ANXA4: variants seen among roughly 807,000 people sequenced by gnomAD.
ANXA4 encodes the protein annexin A4, also known as 35-beta calcimedin.
ANXA4 carries 39 observed loss-of-function variants against 49.8 expected under a neutral mutation model. The observed-to-expected ratio is 0.78, with a 90% CI of 0.61 to 1.02. ANXA4 has a LOEUF of 1.02. Ranked by LOEUF, ANXA4 falls within the 50% of genes least tolerant of loss-of-function variation. The pLI, the probability that ANXA4 is intolerant of heterozygous loss-of-function variation, is 0.00. For synonymous variants in ANXA4, 134 were observed against 152.5 expected (o/e 0.88, Z 0.89); for missense variants, 360 against 410.1 (o/e 0.88, Z 1.05).
Position 69,717,052 on chromosome 2 carries a change from G to A in ANXA4, n.767-3722G>A, listed in dbSNP as rs553117727. On this transcript the variant is annotated intron_variant and non_coding_transcript_variant, in intron 2 of 3. Coordinates refer to the ANXA4 transcript ENST00000418066. Reference sequence around the variant, plus strand: ...CAAGAAACAAGGGAAGTGCAGGGGAGACCGTAAAGCAGCATCGTGTAGCAG... The same window carrying A: ...CAAGAAACAAGGGAAGTGCAGGGGAAACCGTAAAGCAGCATCGTGTAGCAG... Among the ~76,000 whole-genome samples the A allele has an allele frequency of 1.8e-4, 27 of 152,264 alleles. No homozygotes were observed. The South Asian group carries it at 4.8e-3, about 27-fold the overall frequency.
chr2:69,808,825 C>A (rs1460593166), intron 6 of ANXA4: 1 of 152,008 alleles, frequency 6.6e-6, no homozygotes, highest in Non-Finnish European at 1.5e-5. Context: ...CCACACCCAG[C>A]TAATTTTTGT....
intron 2 of ANXA4, among the ~76,000 whole-genome samples, chr2:69,784,225 C>A (rs944247126): frequency 8.5e-5 from 13 of 152,160 alleles, no homozygotes; most frequent in African/African-American, 3.1e-4. Context: ...ATTTATCATG[C>A]TAACAGGGAA....
At chr2:69,669,003 C>G (rs1677050691) in intron 2 of ANXA4, among the ~76,000 whole-genome samples, 1 of 151,122 alleles carries the variant, frequency 6.6e-6, no homozygotes, top group Admixed American at 6.6e-5. Context: ...GTGGTGCGAT[C>G]TCGCCTCACT....
chr2:69,762,047 A>T (rs1313936333), intron 1 of ANXA4, among the ~76,000 whole-genome samples: 3 of 152,254 alleles, frequency 2.0e-5, no homozygotes, highest in African/African-American at 7.2e-5. Flanking sequence ...TAGCCCTACC[A>T]GAGCAATAAA....
chr2:69,764,518 C>T (rs776361229), intron 1 of ANXA4, among the ~76,000 whole-genome samples: 2 of 152,150 alleles, frequency 1.3e-5, no homozygotes, highest in Non-Finnish European at 2.9e-5. Context: ...ATAACAGCAG[C>T]GTGCTTCCCT....
intron 2 of ANXA4, among the ~76,000 whole-genome samples, chr2:69,688,316 C>T (rs1351620339): frequency 3.3e-5 from 5 of 152,046 alleles, no homozygotes; most frequent in Admixed American, 3.3e-4. Flanking sequence ...TTGGTGGTGT[C>T]CTGTATTTCT....
chr2:69,778,601 C>A (rs1297511918), intron 1 of ANXA4, among the ~76,000 whole-genome samples: 2 of 151,758 alleles, frequency 1.3e-5, no homozygotes, highest in African/African-American at 4.8e-5. Context: ...CATGGAGAAA[C>A]CCTGTCTCTA....
chr2:69,818,632 A>G lies in ANXA4; in HGVS notation c.662A>G (p.Asp221Gly). The change falls in exon 10 of 13, where the codon GAT becomes GGT. Residue 221 changes from aspartate to glycine, a missense_variant. Transcript: ENST00000394295. ...FDEYKRISQKDIEQSIKSETS... is the reference protein window; with the variant it reads ...FDEYKRISQKGIEQSIKSETS... ...GAATACAAAAGGATATCACAGAAGG[A>G]TATTGAACAGAGTATTAAATCTGAA... 1 of 1,611,408 alleles carries G rather than the reference A, an allele frequency of 6.2e-7. No individual in the cohort carries two copies. The highest frequency in any genetic ancestry group is 1.1e-5 in the South Asian group (1 of 90,572).
At chr2:69,784,914 T>A (rs752944841) in intron 2 of ANXA4, among the ~76,000 whole-genome samples, 2 of 152,224 alleles carry the variant, frequency 1.3e-5, no homozygotes, top group Non-Finnish European at 2.9e-5. Context: ...ACACCAGTCG[T>A]ATTGGATTAG....
In ANXA4 at chr2:69,679,161, A is replaced by G. The variant is rs1018882925; in HGVS notation, n.766+25879A>G. ...TTAAAAAGTTTTTGGTTTTGAGACAAAGTCTCACTCTGTTGCCCAGACTGT... is the reference window on the plus strand; with the variant it reads ...TTAAAAAGTTTTTGGTTTTGAGACAGAGTCTCACTCTGTTGCCCAGACTGT... On this transcript the variant is annotated intron_variant and non_coding_transcript_variant, in intron 2 of 3. Transcript: ENST00000418066. Among the ~76,000 whole-genome samples the G allele has an allele frequency of 1.5e-4, 23 of 152,162 alleles. 1 individual carries two copies. The highest frequency in any genetic ancestry group is 3.4e-3 in the Middle Eastern group (1 of 294).
At position 69,820,809 on chromosome 2, in the gene ANXA4, C is replaced by G; in HGVS notation, c.894C>G (p.Tyr298Ter). 1.2e-6 allele frequency: 2 copies of G among 1,613,984 alleles called. No individual in the cohort carries two copies. The highest frequency in any genetic ancestry group is 1.7e-6 in the Non-Finnish European group (2 of 1,179,936). ...AGAGACTCTATGGAAAGTCTCTGTA[C>G]TCGTTCATCAAGGTAGGTCACAGCA... ...HFKRLYGKSL[Y>*]SFIKGDTSGD... The change falls in exon 12 of 13, where the codon TAC becomes TAG. Residue 298 changes from tyrosine to a stop codon, truncating the protein, a stop_gained. Coordinates refer to ENST00000394295, the MANE Select transcript of ANXA4 (RefSeq NM_001153.5). LOFTEE classifies it high-confidence loss of function.
At chr2:69,715,712 GTCTA>G (rs1678858879) in intron 2 of ANXA4, among the ~76,000 whole-genome samples, 1 of 152,234 alleles carries the variant, frequency 6.6e-6, no homozygotes, top group Admixed American at 6.5e-5. Context: ...CTGGCTCTAT[GTCTA>G]TCTGAGTCCA....
At chr2:69,808,130 C>T (rs1251672740) in intron 6 of ANXA4, 134 bp downstream of exon 6, 2 of 794,808 alleles carry the variant, frequency 2.5e-6, no homozygotes, top group Admixed American at 4.9e-5. Context: ...CCAAGCTCTG[C>T]TTCGAGGGAG....
At chr2:69,656,421 A>G (rs553998818) in intron 2 of ANXA4, among the ~76,000 whole-genome samples, 271 of 128,458 alleles carry the variant, frequency 2.1e-3, no homozygotes, top group South Asian at 2.8e-3. Context: ...GTATATATAT[A>G]TGTGTGTGTA....
chr2:69,658,416 A>AG (rs1676587051), intron 2 of ANXA4, among the ~76,000 whole-genome samples: 1 of 151,354 alleles, frequency 6.6e-6, no homozygotes, highest in Non-Finnish European at 1.5e-5. Context: ...AAAAAAAAAA[A>AG]AGCAAACAAT....
intron 1 of ANXA4, among the ~76,000 whole-genome samples, chr2:69,775,379 C>T (rs1254805514): frequency 6.6e-6 from 1 of 152,164 alleles, no homozygotes; most frequent in African/African-American, 2.4e-5. Flanking sequence ...CTTATGCTTC[C>T]AGTGAGCCAA....
chr2:69,815,428 T>G (rs961194383), intron 8 of ANXA4: 1 of 152,248 alleles, frequency 6.6e-6, no homozygotes, highest in African/African-American at 2.4e-5. Context: ...AAGATCTTTT[T>G]GAGAAATGTA....
In ANXA4 at chr2:69,707,208, C is replaced by A. The variant is rs568027973; in HGVS notation, n.767-13566C>A. Among the ~76,000 whole-genome samples, 58 of 152,262 alleles carry A rather than the reference C, an allele frequency of 3.8e-4. No homozygotes were observed. The South Asian group carries it at 0.012, about 31-fold the overall frequency. ...ATTTCTTCCTTAAATGTCTGATAGA[C>A]CCTAGCCATAGAGTCATAGGATCTG... On this transcript the variant is annotated intron_variant and non_coding_transcript_variant, in intron 2 of 3. Transcript: ENST00000418066.
chr2:69,706,944 G>T (rs985497263), intron 2 of ANXA4, among the ~76,000 whole-genome samples: 5 of 152,086 alleles, frequency 3.3e-5, no homozygotes, highest in African/African-American at 1.2e-4. Flanking sequence ...ATCTCTAGTG[G>T]ATTACATTGT....
Sources: allele counts gnomAD v4.1 joint callset (sites outside exome capture counted in the v4.1 genomes callset), GRCh38; gene constraint gnomAD v4.1.1; transcripts MANE v1.5; gene names NCBI Gene and HGNC (gene_info 2026-07-23, HGNC 2026-07-21).